Variants in GPR137B observed in about 807,000 individuals in gnomAD.
GPR137B encodes the protein G protein-coupled receptor 137B.
Under a neutral mutation model 42.5 loss-of-function variants are expected in GPR137B, and 42 were observed. The observed-to-expected ratio is 0.99, with a 90% CI of 0.77 to 1.28. GPR137B has a LOEUF of 1.28. Among genes scored for constraint, GPR137B ranks in the 50% most tolerant of loss-of-function variants. The probability of loss-of-function intolerance (pLI) is 0.00; values close to 1 mark genes in which losing one functional copy is unlikely to be tolerated. For synonymous variants in GPR137B, 218 were observed against 209.7 expected (o/e 1.04, Z -0.34); for missense variants, 487 against 493.9 (o/e 0.99, Z 0.13).
intron 5 of GPR137B, among the ~76,000 whole-genome samples, chr1:236,199,897 TG>T (rs1405477385): frequency 6.6e-6 from 1 of 152,064 alleles, no homozygotes; most frequent in Non-Finnish European, 1.5e-5. Flanking sequence ...CTGCTGGGTT[TG>T]GGTTTGGTTT....
rs1357277264 is a variant in GPR137B, at chr1:236,206,932, A to G, written c.1092-1118A>G. 5.3e-5 allele frequency among the ~76,000 whole-genome samples: 8 copies of G among 152,234 alleles called. No homozygotes were observed. In the South Asian group the frequency reaches 1.4e-3, roughly 28 times the overall value. ...AGGACCCCCATCCTGTTCCTGGGAAAGGGGAGCTTCTTAGAAAGTGAAAGG... is the reference window on the plus strand; with the variant it reads ...AGGACCCCCATCCTGTTCCTGGGAAGGGGGAGCTTCTTAGAAAGTGAAAGG... On this transcript the variant is annotated intron_variant, in intron 6 of 6. Transcript: ENST00000366592.
chr1:236,185,615 G>A (rs1166264457), intron 5 of GPR137B, among the ~76,000 whole-genome samples: 1 of 152,180 alleles, frequency 6.6e-6, no homozygotes, highest in Non-Finnish European at 1.5e-5. Context: ...GAGTGCAGTG[G>A]CACGATCACA....
Position 236,155,379 on chromosome 1 carries a change from C to T in GPR137B, c.414+12343C>T, listed in dbSNP as rs1387727212. Reference sequence around the variant, plus strand: ...AAAGGTCGATGGAGCTAACCAGGAACCAACAAAGTAGGTTCCTGAGGGTTG... The same window carrying T: ...AAAGGTCGATGGAGCTAACCAGGAATCAACAAAGTAGGTTCCTGAGGGTTG... On this transcript the variant is annotated intron_variant, in intron 1 of 6. Transcript: ENST00000366592. The surrounding 1 kb of genome is among the most constrained non-coding windows in gnomAD (Gnocchi z 4.6). 6.6e-6 allele frequency among the ~76,000 whole-genome samples: 1 copy of T among 152,212 alleles called. No individual in the cohort carries two copies. Among genetic ancestry groups the T allele is most frequent in the East Asian group, 1.9e-4 (1 of 5,202 alleles).
At position 236,150,070 on chromosome 1, in the gene GPR137B, G is replaced by A. The variant is rs956978428; in HGVS notation, c.414+7034G>A. ...GCCTCTGTGTGCCTGTGTCTGTGTG[G>A]GTCTCTGAGTGTCTGTGCATGTGTG... is the stretch of plus-strand genomic sequence containing the variant. On this transcript the variant is annotated intron_variant, in intron 1 of 6. Transcript: ENST00000366592. The surrounding 1 kb of genome is among the most constrained non-coding windows in gnomAD (Gnocchi z 6.2). Among the ~76,000 whole-genome samples the A allele has an allele frequency of 2.1e-5, 3 of 145,464 alleles. No individual in the cohort carries two copies. Among genetic ancestry groups the A allele is most frequent in the Non-Finnish European group, 4.5e-5 (3 of 66,014 alleles).
intron 1 of GPR137B, among the ~76,000 whole-genome samples, chr1:236,158,221 C>T (rs1391696044): frequency 6.6e-6 from 1 of 152,140 alleles, no homozygotes; most frequent in Non-Finnish European, 1.5e-5. Flanking sequence ...GTCAGGAGTT[C>T]AAGACCAACC....
At chr1:236,204,081 T>C (rs1663579274) in intron 5 of GPR137B, among the ~76,000 whole-genome samples, 1 of 151,658 alleles carries the variant, frequency 6.6e-6, no homozygotes, top group Admixed American at 6.5e-5. Flanking sequence ...TGTTGAGGTA[T>C]GTTTCTTCTT....
At chr1:236,169,053 C>T (rs180697180) in intron 2 of GPR137B, among the ~76,000 whole-genome samples, 96 of 152,336 alleles carry the variant, frequency 6.3e-4, no homozygotes, top group African/African-American at 2.3e-3. Context: ...GTGTATGTTG[C>T]CTCTAAACCT....
At chr1:236,154,171 C>G (rs758091445) in intron 1 of GPR137B, among the ~76,000 whole-genome samples, 9 of 152,182 alleles carry the variant, frequency 5.9e-5, no homozygotes, top group Admixed American at 2.0e-4. Flanking sequence ...CCCCAGACTC[C>G]GTGTCCTCCT....
chr1:236,190,430 C>T (rs903311586), intron 5 of GPR137B, among the ~76,000 whole-genome samples: 7 of 152,130 alleles, frequency 4.6e-5, no homozygotes, highest in South Asian at 2.1e-4. Context: ...ATAGTGTTGA[C>T]GGGCTTTACA....
chr1:236,207,875 T>C (rs774278765), intron 6 of GPR137B, among the ~76,000 whole-genome samples, 175 bp from the exon 7 acceptor site: 1 of 152,120 alleles, frequency 6.6e-6, no homozygotes, highest in Admixed American at 6.5e-5. Flanking sequence ...CGGTGGGCAT[T>C]TCAGCCCTGT....
At chr1:236,202,740 C>CAT (rs1473946160) in intron 5 of GPR137B, among the ~76,000 whole-genome samples, 1 of 150,782 alleles carries the variant, frequency 6.6e-6, no homozygotes, top group African/African-American at 2.5e-5. Context: ...AAACCTCTGC[C>CAT]ATGATGGCAG....
chr1:236,151,195 A>G (rs1236929984), intron 1 of GPR137B, among the ~76,000 whole-genome samples: 1 of 152,094 alleles, frequency 6.6e-6, no homozygotes, highest in Non-Finnish European at 1.5e-5. Flanking sequence ...GCCCCAGCAG[A>G]CTGTTTAGAC....
rs768805706 is a variant in GPR137B, at chr1:236,178,624, C to T, written c.675C>T (p.Tyr225=). 16 of 1,600,432 alleles carry T rather than the reference C, an allele frequency of 1.0e-5. No individual in the cohort carries two copies. The South Asian group carries it at 1.7e-4, about 17-fold the overall frequency. The change falls in exon 3 of 7, where the codon TAC becomes TAT. Residue 225 remains tyrosine (Y), a synonymous_variant. Coordinates refer to ENST00000366592, the MANE Select transcript of GPR137B (RefSeq NM_003272.4). ...CTAAGATGTCCTTAGCCAACATTTA[C>T]TTGGAGTCCAAGGTAGGTGGAAATG... ...KISKMSLANI[Y]LESKGSSVCQ... is the part of the protein sequence containing the mutation.
At chr1:236,189,482 G>A (rs1237137042) in intron 5 of GPR137B, among the ~76,000 whole-genome samples, 1 of 152,140 alleles carries the variant, frequency 6.6e-6, no homozygotes, top group Non-Finnish European at 1.5e-5. Flanking sequence ...TCTACACACT[G>A]CTTTAAATGT....
At chr1:236,174,298 A>G (rs1415940436) in intron 2 of GPR137B, among the ~76,000 whole-genome samples, 3 of 152,016 alleles carry the variant, frequency 2.0e-5, no homozygotes, top group African/African-American at 7.3e-5. Flanking sequence ...AAAAATCAAG[A>G]AGGAGGAAGG....
At chr1:236,207,492 G>C (rs1046140084) in intron 6 of GPR137B, among the ~76,000 whole-genome samples, 9 of 152,034 alleles carry the variant, frequency 5.9e-5, no homozygotes, top group Admixed American at 2.6e-4. Flanking sequence ...TAGAGCTGAG[G>C]GAGTCCTCAC....
At chr1:236,163,527 G>A (rs1465231341) in intron 1 of GPR137B, among the ~76,000 whole-genome samples, 2 of 152,230 alleles carry the variant, frequency 1.3e-5, no homozygotes, top group East Asian at 1.9e-4. Context: ...TGTATCTCCC[G>A]GAATTCCCAT....
intron 1 of GPR137B, among the ~76,000 whole-genome samples, chr1:236,159,962 C>G (rs1662141017): frequency 6.6e-6 from 1 of 152,230 alleles, no homozygotes; most frequent in Non-Finnish European, 1.5e-5. Flanking sequence ...GGGGACATCT[C>G]CCAGCCGTGG....
rs958130951 is a variant in GPR137B at position 236,171,055 on chromosome 1, G to A, written c.464+2300G>A. ...ATTGGATGGGACACAAATCTAACAC[G>A]AAATGTATTTATGTTTCAGATACAC... On this transcript the variant is annotated intron_variant, in intron 2 of 6. Transcript: ENST00000366592. This position sits in a 1 kb window ranked among gnomAD's most constrained non-coding sequence, Gnocchi z 4.4. 2.6e-5 allele frequency among the ~76,000 whole-genome samples: 4 copies of A among 151,620 alleles called. No homozygotes were observed. Among genetic ancestry groups the A allele is most frequent in the South Asian group, 2.1e-4 (1 of 4,804 alleles).
Sources: gnomAD v4.1 joint callset for allele counts (sites outside exome capture counted in the v4.1 genomes callset) on GRCh38, gnomAD v4.1.1 for gene constraint, Gnocchi (gnomAD v3.1) non-coding constraint, MANE v1.5 for transcripts, NCBI Gene and HGNC (gene_info 2026-07-23, HGNC 2026-07-21) for gene names.